The following FAM135B variants were observed in gnomAD, a reference collection of about 807,000 sequenced individuals.
FAM135B encodes the protein family with sequence similarity 135 member B.
Under a neutral mutation model 127.7 loss-of-function variants are expected in FAM135B, and 43 were observed. The observed-to-expected ratio is 0.34, with a 90% CI of 0.26 to 0.43. The LOEUF (loss-of-function observed/expected upper bound fraction) is 0.43, where lower values mean the gene tolerates loss of function less well. Ranked by LOEUF, FAM135B falls within the 20% of genes least tolerant of loss-of-function variation. The pLI is 1.00. For synonymous variants in FAM135B, 670 were observed against 665.1 expected, an observed-to-expected ratio of 1.01 and a Z score of -0.11; for missense variants, 1,558 against 1,725.6, an observed-to-expected ratio of 0.90 and a Z score of 1.72.
At chr8:138,254,051 A>G (rs1162149459) in intron 5 of FAM135B, among the ~76,000 whole-genome samples, 1 of 152,154 alleles carries the variant, frequency 6.6e-6, no homozygotes, top group Non-Finnish European at 1.5e-5. Flanking sequence ...CTCACTTCCA[A>G]CTAGGAAGCC....
chr8:138,227,115 C>A (rs939036469), intron 7 of FAM135B, among the ~76,000 whole-genome samples: 1 of 152,216 alleles, frequency 6.6e-6, no homozygotes, highest in African/African-American at 2.4e-5. Context: ...CCCAAGTTCA[C>A]AACTGATCAG....
intron 2 of FAM135B, among the ~76,000 whole-genome samples, chr8:138,332,987 A>G (rs926434192): frequency 1.5e-5 from 2 of 135,746 alleles, no homozygotes; most frequent in Non-Finnish European, 3.0e-5. Flanking sequence ...GAAAGCGCAC[A>G]CACACACACA....
chr8:138,183,082 C>T (rs1815224036), intron 9 of FAM135B, among the ~76,000 whole-genome samples: 2 of 150,244 alleles, frequency 1.3e-5, no homozygotes, highest in Non-Finnish European at 3.0e-5. Context: ...AGTTCAGTGC[C>T]ATCCACCCAG....
intron 6 of FAM135B, among the ~76,000 whole-genome samples, chr8:138,248,726 A>G (rs949236247): frequency 6.6e-6 from 1 of 150,760 alleles, no homozygotes; most frequent in Non-Finnish European, 1.5e-5. Flanking sequence ...TAGCTGAGGC[A>G]GGAGGATCAC....
chr8:138,495,105 AAG>A (rs1284806107), intron 1 of FAM135B, among the ~76,000 whole-genome samples: 9 of 152,208 alleles, frequency 5.9e-5, no homozygotes, highest in Admixed American at 3.9e-4. Context: ...CAATCTGAGG[AAG>A]AGAGATTCTT....
At chr8:138,205,942 C>T (rs375509034) in intron 7 of FAM135B, among the ~76,000 whole-genome samples, 29 of 151,976 alleles carry the variant, frequency 1.9e-4, no homozygotes, top group African/African-American at 6.5e-4. Flanking sequence ...GTACTTGCTG[C>T]CCTCCCCGTT....
intron 3 of FAM135B, among the ~76,000 whole-genome samples, chr8:138,267,570 G>GAAA (rs60418620): frequency 7.1e-5 from 8 of 112,884 alleles, no homozygotes; most frequent in African/African-American, 6.2e-5. Context: ...TGGGAGCCAA[G>GAAA]AAAAAAAAAA....
In FAM135B at chr8:138,132,334, AT is replaced by A. The variant is rs1298898038; in HGVS notation, c.*258del. 1 of 433,260 alleles carries A rather than the reference AT, an allele frequency of 2.3e-6. No homozygotes were observed. The highest frequency in any genetic ancestry group is 2.0e-5 in the African/African-American group (1 of 50,264). The allele number at this position is 433,260 out of a possible 1,614,324, so 26.8% of individuals were successfully genotyped here. On this transcript the variant is annotated 3_prime_UTR_variant, in exon 20 of 20. Coordinates refer to ENST00000395297, the MANE Select transcript of FAM135B (RefSeq NM_015912.4). The surrounding 1 kb of genome is among the most constrained non-coding windows in gnomAD (Gnocchi z 4.5). ...CCAAGTATTCTGTTTATTCTCTCAT[AT>A]TTTTCCTAGAAAACATCTTGAATGA...
intron 2 of FAM135B, among the ~76,000 whole-genome samples, chr8:138,345,900 A>G (rs532713250): frequency 3.6e-4 from 55 of 152,238 alleles, no homozygotes; most frequent in Admixed American, 3.3e-3. Context: ...ATGTTTTGCA[A>G]TCCATCCATC....
At chr8:138,367,384 C>A in intron 2 of FAM135B, 1 of 456,076 alleles carries the variant, frequency 2.2e-6, no homozygotes, top group Non-Finnish European at 4.4e-6. Flanking sequence ...ATCACCTGCA[C>A]GTGAAATGCC....
rs1033528318 is a variant in FAM135B, at chr8:138,415,284, G to A, written c.-19-47282C>T. 2.0e-5 allele frequency among the ~76,000 whole-genome samples: 3 copies of A among 152,176 alleles called. No homozygotes were observed. The East Asian group carries it at 5.8e-4, about 29-fold the overall frequency. ...TCCATTTTTGCAAATCTAAGTTGGT[G>A]GGCTATGTTACCATGAGTAAAGGGA... On this transcript the variant is annotated intron_variant, in intron 1 of 19. Coordinates refer to ENST00000395297, the MANE Select transcript of FAM135B (RefSeq NM_015912.4).
intron 11 of FAM135B, 94 bp from the exon 12 acceptor site, chr8:138,168,143 C>T: frequency 7.3e-7 from 1 of 1,361,554 alleles, no homozygotes; most frequent in South Asian, 1.5e-5. Flanking sequence ...ATACTCGGTT[C>T]TCAGCTGACT....
Position 138,414,119 on chromosome 8 carries a change from C to CATATATATATATATATATATATATATAT in FAM135B, c.-19-46118_-19-46117insATATATATATATATATATATATATATAT, listed in dbSNP as rs60918986. Among the ~76,000 whole-genome samples, 580 of 124,302 alleles carry CATATATATATATATATATATATATATAT rather than the reference C, an allele frequency of 4.7e-3. 10 individuals are homozygous for CATATATATATATATATATATATATATAT. The highest frequency in any genetic ancestry group is 6.0e-3 in the Non-Finnish European group (352 of 59,068). The allele number at this position is 124,302 out of a possible 152,430, so 81.5% of individuals were successfully genotyped here. Reference sequence around the variant, plus strand: ...AAGTTCCCCTGTTCACACACAAATACATATATATATATATATATATGCACA... The same window carrying CATATATATATATATATATATATATATAT: ...AAGTTCCCCTGTTCACACACAAATACATATATATATATATATATATATATATATATATATATATATATATATATGCACA... On this transcript the variant is annotated intron_variant, in intron 1 of 19. Transcript: ENST00000395297.
chr8:138,435,803 T>C (rs1465488247), intron 1 of FAM135B, among the ~76,000 whole-genome samples: 2 of 152,308 alleles, frequency 1.3e-5, no homozygotes, highest in South Asian at 2.1e-4. Flanking sequence ...TTTTATCCTA[T>C]CACCCCTTTG....
intron 1 of FAM135B, among the ~76,000 whole-genome samples, chr8:138,446,225 T>A (rs1169057194): frequency 6.6e-6 from 1 of 152,096 alleles, no homozygotes; most frequent in African/African-American, 2.4e-5. Context: ...AATGGCCATA[T>A]TGCCCAAGGT....
chr8:138,323,312 A>T (rs1339208499), intron 2 of FAM135B, among the ~76,000 whole-genome samples: 1 of 152,148 alleles, frequency 6.6e-6, no homozygotes, highest in Non-Finnish European at 1.5e-5. Context: ...TCTCAGGGGA[A>T]TTACTATACC....
rs528417385 is a variant in FAM135B, at chr8:138,197,578, C to A, written c.761G>T (p.Gly254Val). ...GATCACCAGGAAGTGGAGACGGAGA[C>A]CCCGGTAAGCGTGGAGGAGCAACAG... is the stretch of plus-strand genomic sequence containing the variant. ...LCLLLLHAYRGLRLHFLVIMR... is the reference protein window; with the variant it reads ...LCLLLLHAYRVLRLHFLVIMR... Residue 254 changes from glycine (G) to valine (V), a missense_variant, in exon 8 of 20, where the codon GGT becomes GTT. Physicochemically the swap from Gly to Val is moderately radical, Grantham distance 109. Coordinates refer to ENST00000395297, the MANE Select transcript of FAM135B (RefSeq NM_015912.4). 1 of 1,614,124 alleles carries A rather than the reference C, an allele frequency of 6.2e-7. No homozygotes were observed. Among genetic ancestry groups the A allele is most frequent in the South Asian group, 1.1e-5 (1 of 91,062 alleles).
At chr8:138,271,595 G>A (rs1445419775) in intron 3 of FAM135B, among the ~76,000 whole-genome samples, 1 of 152,058 alleles carries the variant, frequency 6.6e-6, no homozygotes, top group Non-Finnish European at 1.5e-5. Context: ...ATCATTGTCC[G>A]ACTCCACAGA....
intron 1 of FAM135B, among the ~76,000 whole-genome samples, chr8:138,418,850 G>C (rs1834319906): frequency 7.0e-6 from 1 of 142,108 alleles, no homozygotes; most frequent in Non-Finnish European, 1.5e-5. Context: ...TTAAGGGAGT[G>C]CTAAACATAG....
Sources: allele counts gnomAD v4.1 joint callset (sites outside exome capture counted in the v4.1 genomes callset), GRCh38; gene constraint gnomAD v4.1.1; non-coding constraint Gnocchi (gnomAD v3.1); transcripts MANE v1.5; gene names NCBI Gene and HGNC (gene_info 2026-07-23, HGNC 2026-07-21).